COL8A1: variants seen among roughly 807,000 people sequenced by gnomAD.
The protein encoded by COL8A1 is collagen alpha-1(VIII) chain.
In COL8A1, 21 loss-of-function variants were observed where a neutral mutation model predicts 42.7. The observed-to-expected ratio is 0.49, with a 90% confidence interval of 0.35 to 0.71. The LOEUF (loss-of-function observed/expected upper bound fraction) is 0.71, where lower values mean the gene tolerates loss of function less well. Among genes scored for constraint, COL8A1 ranks in the 30% least tolerant of loss-of-function variants. COL8A1 has a pLI of 0.01. For synonymous variants in COL8A1, 367 were observed against 369.1 expected (o/e 0.99, Z 0.06); for missense variants, 788 against 962.4 (o/e 0.82, Z 2.40).
At chr3:99,669,151 G>GA (rs1559773186) in intron 1 of COL8A1, among the ~76,000 whole-genome samples, 1,492 of 114,006 alleles carry the variant, frequency 0.013, 29 homozygotes, top group Middle Eastern at 0.023. Context: ...ATATATAGAG[G>GA]GAGAGAGAGA....
chr3:99,654,237 C>A (rs1414117760), intron 1 of COL8A1, among the ~76,000 whole-genome samples: 1 of 152,184 alleles, frequency 6.6e-6, no homozygotes, highest in Non-Finnish European at 1.5e-5. Context: ...TTAGATGGTG[C>A]CCACCCAGAT....
intron 1 of COL8A1, among the ~76,000 whole-genome samples, chr3:99,672,984 T>C (rs1179973258): frequency 6.6e-6 from 1 of 151,836 alleles, no homozygotes; most frequent in Non-Finnish European, 1.5e-5. Context: ...TCTGCAAGAG[T>C]CTCTCCACCC....
chr3:99,680,131 G>C (rs1242447945), intron 1 of COL8A1: 1 of 151,966 alleles, frequency 6.6e-6, no homozygotes, highest in Non-Finnish European at 1.5e-5. Context: ...ATCTCCTAAT[G>C]CTATCCCTCC....
At chr3:99,737,479 C>G (rs1195471916) in intron 1 of COL8A1, among the ~76,000 whole-genome samples, 1 of 151,980 alleles carries the variant, frequency 6.6e-6, no homozygotes, top group Non-Finnish European at 1.5e-5. Flanking sequence ...TTCTCCTTCA[C>G]TTATGAAGCT....
At chr3:99,761,751 A>G (rs1356207149) in intron 2 of COL8A1, among the ~76,000 whole-genome samples, 1 of 152,192 alleles carries the variant, frequency 6.6e-6, no homozygotes, top group Non-Finnish European at 1.5e-5. Flanking sequence ...TTAGATATCT[A>G]GAGAAAACAC....
At chr3:99,718,315 G>A (rs1473627888) in intron 1 of COL8A1, among the ~76,000 whole-genome samples, 1 of 152,004 alleles carries the variant, frequency 6.6e-6, no homozygotes, top group African/African-American at 2.4e-5. Flanking sequence ...AGAACATTGT[G>A]ATGAATGAGC....
At chr3:99,673,670 T>A (rs997921540) in intron 1 of COL8A1, among the ~76,000 whole-genome samples, 1 of 152,106 alleles carries the variant, frequency 6.6e-6, no homozygotes, top group African/African-American at 2.4e-5. Context: ...AAGATAATTA[T>A]TAGTTTTGGA....
chr3:99,784,753 T>C (rs1941859284), intron 2 of COL8A1, among the ~76,000 whole-genome samples: 1 of 152,242 alleles, frequency 6.6e-6, no homozygotes, highest in Non-Finnish European at 1.5e-5. Context: ...TATGGTCCTT[T>C]GCTGACTGAA....
Position 99,732,745 on chromosome 3 carries a change from C to A in COL8A1, c.-128-12152C>A, listed in dbSNP as rs150852012. Among the ~76,000 whole-genome samples the A allele has an allele frequency of 4.3e-3, 661 of 152,226 alleles. 2 individuals are homozygous for A. The highest frequency in any genetic ancestry group is 0.015 in the African/African-American group (613 of 41,538). ...CAATCATGCCTTCCCAACAGTCTCC[C>A]AAAGTCTTAACTCATTCCAGCAGTA... On this transcript the variant is annotated intron_variant, in intron 1 of 3. Coordinates refer to ENST00000652472, the MANE Select transcript of COL8A1 (RefSeq NM_020351.4).
chr3:99,682,560 G>A (rs1456837072), intron 1 of COL8A1, among the ~76,000 whole-genome samples: 1 of 151,776 alleles, frequency 6.6e-6, no homozygotes, highest in Admixed American at 6.6e-5. Flanking sequence ...TTATAAGGTT[G>A]GGGTACTTCT....
At chr3:99,684,004 T>A (rs976774203) in intron 1 of COL8A1, among the ~76,000 whole-genome samples, 1 of 152,192 alleles carries the variant, frequency 6.6e-6, no homozygotes, top group Non-Finnish European at 1.5e-5. Flanking sequence ...TTTTAGTGAA[T>A]TGACTATGTA....
At chr3:99,655,290 A>G (rs1937982376) in intron 1 of COL8A1, among the ~76,000 whole-genome samples, 1 of 152,212 alleles carries the variant, frequency 6.6e-6, no homozygotes. Context: ...GGTGCCAAAA[A>G]GCTAGCAAGT....
chr3:99,756,289 G>A (rs1283706119), intron 2 of COL8A1, among the ~76,000 whole-genome samples: 2 of 152,054 alleles, frequency 1.3e-5, no homozygotes, highest in Non-Finnish European at 2.9e-5. Context: ...AAGACTTTTA[G>A]TCCAAGAATC....
intron 1 of COL8A1, among the ~76,000 whole-genome samples, chr3:99,729,098 A>G (rs1463131598): frequency 6.6e-6 from 1 of 152,044 alleles, no homozygotes; most frequent in Admixed American, 6.6e-5. Context: ...AACATTTGAT[A>G]TATTTCCATC....
chr3:99,696,715 A>G (rs1939379897), intron 1 of COL8A1, among the ~76,000 whole-genome samples: 1 of 152,216 alleles, frequency 6.6e-6, no homozygotes, highest in Non-Finnish European at 1.5e-5. Context: ...TTAATGCAGC[A>G]TCATAACAGA....
chr3:99,696,738 G>T (rs1164816677), intron 1 of COL8A1, among the ~76,000 whole-genome samples: 1 of 152,108 alleles, frequency 6.6e-6, no homozygotes, highest in Non-Finnish European at 1.5e-5. Context: ...CGAAGACCAG[G>T]CATGCCCACA....
At chr3:99,772,744 G>T (rs1468061947) in intron 2 of COL8A1, among the ~76,000 whole-genome samples, 5 of 152,158 alleles carry the variant, frequency 3.3e-5, no homozygotes, top group African/African-American at 1.2e-4. Flanking sequence ...GCATGATGGG[G>T]ATGCCAAAGG....
At position 99,795,170 on chromosome 3, in the gene COL8A1, G is replaced by A; in HGVS notation, c.1269G>A (p.Gly423=). The A allele has an allele frequency of 6.2e-7, 1 of 1,613,752 alleles. No homozygotes were observed. Among genetic ancestry groups the A allele is most frequent in the Non-Finnish European group, 8.5e-7 (1 of 1,179,832 alleles). ...AAGGTGGGATTGTAGGGCCACAGGG[G>A]CCACCAGGTCCCAAGGGTGAGCCAG... is the stretch of plus-strand genomic sequence containing the variant. ...KGEGGIVGPQ[G]PPGPKGEPGL... Residue 423 remains glycine (G), a synonymous_variant, in exon 4 of 4, where the codon GGG becomes GGA. Transcript: ENST00000652472.
chr3:99,763,172 T>A (rs1941396287), intron 2 of COL8A1, among the ~76,000 whole-genome samples: 1 of 152,242 alleles, frequency 6.6e-6, no homozygotes, highest in South Asian at 2.1e-4. Context: ...CCAAAGCCAA[T>A]GAAGAAACAG....
Sources: gnomAD v4.1 joint callset for allele counts (sites outside exome capture counted in the v4.1 genomes callset) on GRCh38, gnomAD v4.1.1 for gene constraint, MANE v1.5 for transcripts, NCBI Gene and HGNC (gene_info 2026-07-23, HGNC 2026-07-21) for gene names.